Variants in MALRD1 observed in about 807,000 individuals in gnomAD.
MALRD1 encodes MAM and LDL receptor class A domain containing 1.
In MALRD1, 247 loss-of-function variants were observed where a neutral mutation model predicts 242.1. The ratio of observed to expected loss-of-function variants is 1.02; its 90% CI spans 0.92 to 1.13. The LOEUF (loss-of-function observed/expected upper bound fraction) is 1.13, where lower values mean the gene tolerates loss of function less well. Among genes scored for constraint, MALRD1 ranks in the 50% most tolerant of loss-of-function variants. The probability of loss-of-function intolerance (pLI) is 0.00; values close to 1 mark genes in which losing one functional copy is unlikely to be tolerated. For missense variants in MALRD1, 2,989 were observed against 2,533.1 expected, an observed-to-expected ratio of 1.18 and a Z score of -3.86; for synonymous variants, 995 against 866.6, an observed-to-expected ratio of 1.15 and a Z score of -2.60.
chr10:19,201,499 A>G (rs1836540155), intron 14 of MALRD1, among the ~76,000 whole-genome samples: 1 of 152,208 alleles, frequency 6.6e-6, no homozygotes, highest in East Asian at 1.9e-4. Context: ...GATAGATATT[A>G]TACATTAATA....
chr10:19,529,404 A>G lies in MALRD1; in HGVS notation c.5321-1790A>G, dbSNP rs543310968. 3.9e-5 allele frequency among the ~76,000 whole-genome samples: 6 copies of G among 152,270 alleles called. 1 individual carries two copies. The South Asian group carries it at 1.2e-3, about 32-fold the overall frequency. On this transcript the variant is annotated intron_variant, in intron 31 of 39. Coordinates refer to ENST00000454679, the MANE Select transcript of MALRD1 (RefSeq NM_001142308.3). The stretch of plus-strand genomic sequence containing the variant: ...TGACAGAGGATTTGGCTTGGTAGTT[A>G]TAATGTATATTGCAAATTCAAAGTC...
At chr10:19,577,057 T>C (rs1053967101) in intron 33 of MALRD1, among the ~76,000 whole-genome samples, 6 of 148,080 alleles carry the variant, frequency 4.1e-5, no homozygotes, top group Non-Finnish European at 6.0e-5. Flanking sequence ...AGTCAATATA[T>C]AACATAGAGT....
intron 28 of MALRD1, among the ~76,000 whole-genome samples, chr10:19,437,211 T>C (rs1294145540): frequency 6.6e-6 from 1 of 152,182 alleles, no homozygotes; most frequent in Non-Finnish European, 1.5e-5. Flanking sequence ...GGCTTGGGTA[T>C]TGGTCCTAAG....
intron 32 of MALRD1, among the ~76,000 whole-genome samples, chr10:19,565,983 T>C (rs1836230718): frequency 6.6e-6 from 1 of 152,164 alleles, no homozygotes; most frequent in South Asian, 2.1e-4. Flanking sequence ...AGATTTCTTT[T>C]GTACTTGGGG....
intron 32 of MALRD1, among the ~76,000 whole-genome samples, chr10:19,552,738 CT>C (rs986502276): frequency 3.5e-4 from 53 of 152,044 alleles, no homozygotes; most frequent in African/African-American, 1.1e-3. Context: ...TTTTGTTTTT[CT>C]TTTTTTCAGT....
At chr10:19,590,324 C>CATATTTTAT (rs1212121817) in intron 33 of MALRD1, among the ~76,000 whole-genome samples, 2 of 146,364 alleles carry the variant, frequency 1.4e-5, no homozygotes, top group Non-Finnish European at 3.0e-5. Context: ...TGTATATATA[C>CATATTTTAT]ATATTTTATA....
At chr10:19,545,772 C>T (rs371884050) in intron 32 of MALRD1, among the ~76,000 whole-genome samples, 29 of 152,258 alleles carry the variant, frequency 1.9e-4, no homozygotes, top group African/African-American at 6.7e-4. Context: ...GACCTTTCCC[C>T]ACCAACCCCT....
At chr10:19,327,519 A>G (rs1843184995) in intron 22 of MALRD1, 44 bp from the exon 23 acceptor site, 2 of 1,435,564 alleles carry the variant, frequency 1.4e-6, no homozygotes, top group African/African-American at 1.4e-5. Flanking sequence ...GCAATTTCTC[A>G]AGATAAAATA....
At chr10:19,421,595 T>C (rs1414542977) in intron 28 of MALRD1, among the ~76,000 whole-genome samples, 2 of 152,234 alleles carry the variant, frequency 1.3e-5, no homozygotes, top group African/African-American at 4.8e-5. Context: ...ACACATTTCA[T>C]TATTGCAAAT....
intron 32 of MALRD1, among the ~76,000 whole-genome samples, chr10:19,551,746 T>C (rs72780148): frequency 0.047 from 7,084 of 152,230 alleles, 220 homozygotes; most frequent in Middle Eastern, 0.092. Flanking sequence ...TGTATGGCTC[T>C]TATTTTGAGG....
chr10:19,443,869 A>G (rs952652334), intron 28 of MALRD1, among the ~76,000 whole-genome samples: 2 of 152,174 alleles, frequency 1.3e-5, no homozygotes, highest in Admixed American at 6.5e-5. Flanking sequence ...CAAGTCCTGG[A>G]TATCCTTGTT....
At chr10:19,266,604 T>G (rs897054166) in intron 19 of MALRD1, among the ~76,000 whole-genome samples, 14 of 151,926 alleles carry the variant, frequency 9.2e-5, no homozygotes, top group Non-Finnish European at 1.6e-4. Flanking sequence ...ACACTAGTAC[T>G]GTAATGATAA....
intron 18 of MALRD1, among the ~76,000 whole-genome samples, chr10:19,232,620 T>C (rs952673528): frequency 6.6e-6 from 1 of 152,202 alleles, no homozygotes; most frequent in African/African-American, 2.4e-5. Flanking sequence ...AGCTGAAATG[T>C]CTTGTTGTGG....
chr10:19,667,116 T>C (rs1327351863), intron 36 of MALRD1, among the ~76,000 whole-genome samples: 1 of 152,086 alleles, frequency 6.6e-6, no homozygotes, highest in African/African-American at 2.4e-5. Flanking sequence ...CCCCCAGCAC[T>C]GCCTCTCAAT....
At chr10:19,715,805 G>A (rs1834356535) in intron 38 of MALRD1, among the ~76,000 whole-genome samples, 2 of 152,220 alleles carry the variant, frequency 1.3e-5, no homozygotes, top group South Asian at 4.1e-4. Flanking sequence ...CATGACAAGA[G>A]TGATTGAGAG....
At chr10:19,083,644 T>A (rs934838840) in intron 2 of MALRD1, among the ~76,000 whole-genome samples, 20 of 151,958 alleles carry the variant, frequency 1.3e-4, no homozygotes, top group Non-Finnish European at 2.2e-4. Context: ...GGTCAAATAA[T>A]ACAATTGTTT....
chr10:19,584,742 C>A (rs547290215), intron 33 of MALRD1, among the ~76,000 whole-genome samples: 1 of 152,018 alleles, frequency 6.6e-6, no homozygotes, highest in Non-Finnish European at 1.5e-5. Context: ...CTATTAGGTC[C>A]ACTTGGTGCA....
chr10:19,527,117 AGTACTTGAAAT>A (rs567131329), intron 31 of MALRD1, among the ~76,000 whole-genome samples: 169 of 152,306 alleles, frequency 1.1e-3, no homozygotes, highest in African/African-American at 3.9e-3. Context: ...ATATTTTTCA[AGTACTTGAAAT>A]GTTGTTAGGT....
chr10:19,250,924 T>G (rs74427320), intron 18 of MALRD1, among the ~76,000 whole-genome samples: 3,912 of 151,992 alleles, frequency 0.026, 168 homozygotes, highest in African/African-American at 0.09. Context: ...AATGGCCCAA[T>G]TTCTTACATC....
Sources: allele counts gnomAD v4.1 joint callset (sites outside exome capture counted in the v4.1 genomes callset), GRCh38; gene constraint gnomAD v4.1.1; transcripts MANE v1.5; gene names NCBI Gene and HGNC (gene_info 2026-07-23, HGNC 2026-07-21).